HTR1F: variants seen among roughly 807,000 people sequenced by gnomAD.
HTR1F encodes 5-hydroxytryptamine (serotonin) receptor 1F, G protein-coupled.
A neutral mutation model predicts 24.0 loss-of-function variants in HTR1F; 17 were observed. The ratio of observed to expected loss-of-function variants is 0.71; its 90% confidence interval spans 0.48 to 1.06. The LOEUF (loss-of-function observed/expected upper bound fraction) is 1.06. Among genes scored for constraint, HTR1F ranks in the 50% least tolerant of loss-of-function variants. The pLI is 0.00. For synonymous variants in HTR1F, 186 were observed against 156.8 expected (o/e 1.19, Z -1.39); for missense variants, 391 against 427.8 (o/e 0.91, Z 0.76).
chr3:87,870,455 C>T (rs145000426), intron 2 of HTR1F, among the ~76,000 whole-genome samples: 103 of 152,172 alleles, frequency 6.8e-4, no homozygotes, highest in Non-Finnish European at 1.2e-3. Flanking sequence ...AAGCCAAGAA[C>T]AACTGAAATG....
In HTR1F at chr3:87,991,042, T is replaced by C; in HGVS notation, c.293T>C (p.Ile98Thr). Reference sequence around the variant, plus strand: ...ATTATGGGGCAAGTGGTCTGTGACATTTGGCTGAGTGTTGACATTACCTGC... The same window carrying C: ...ATTATGGGGCAAGTGGTCTGTGACACTTGGCTGAGTGTTGACATTACCTGC... ...SWIMGQVVCD[I>T]WLSVDITCCT... is the part of the protein sequence containing the mutation. Residue 98 changes from isoleucine (I) to threonine (T), a missense_variant, in exon 3 of 3, where the codon ATT becomes ACT. Coordinates refer to ENST00000319595, the MANE Select transcript of HTR1F (RefSeq NM_001322209.2). The C allele has an allele frequency of 6.2e-7, 1 of 1,614,050 alleles. No individual in the cohort carries two copies. The highest frequency in any genetic ancestry group is 8.5e-7 in the Non-Finnish European group (1 of 1,180,018).
At position 87,835,876 on chromosome 3, in the gene HTR1F, T is replaced by C. The variant is rs1266365900; in HGVS notation, c.-43+13752T>C. On this transcript the variant is annotated intron_variant, in intron 2 of 2. Transcript: ENST00000319595. ...CTGTACCCTCTGGGTCTGCACATTA[T>C]AAAGCAAATGAGGAACTTTTGTTGG... Among the ~76,000 whole-genome samples, 5 of 152,160 alleles carry C rather than the reference T, an allele frequency of 3.3e-5. No homozygotes were observed. In the East Asian group the frequency reaches 5.8e-4, roughly 18 times the overall value.
intron 2 of HTR1F, among the ~76,000 whole-genome samples, chr3:87,895,906 T>A (rs1452605665): frequency 6.6e-6 from 1 of 152,132 alleles, no homozygotes; most frequent in Non-Finnish European, 1.5e-5. Context: ...AGAGAAACAC[T>A]GGCAGGTGGT....
chr3:87,797,137 A>G (rs1703918263), intron 1 of HTR1F, among the ~76,000 whole-genome samples: 1 of 152,186 alleles, frequency 6.6e-6, no homozygotes, highest in African/African-American at 2.4e-5. Flanking sequence ...GTTCTTTGTT[A>G]TTAGTTATTG....
At chr3:87,931,118 T>C (rs1229439649) in intron 2 of HTR1F, among the ~76,000 whole-genome samples, 1 of 151,502 alleles carries the variant, frequency 6.6e-6, no homozygotes, top group Non-Finnish European at 1.5e-5. Flanking sequence ...TACATATGTA[T>C]ACATGTGCCA....
chr3:87,827,101 A>G (rs1704479734), intron 2 of HTR1F, among the ~76,000 whole-genome samples: 1 of 149,896 alleles, frequency 6.7e-6, no homozygotes, highest in Admixed American at 6.6e-5. Context: ...TTGAGCCACC[A>G]CTATCATTAT....
At chr3:87,875,774 A>C (rs572551467) in intron 2 of HTR1F, among the ~76,000 whole-genome samples, 10 of 151,784 alleles carry the variant, frequency 6.6e-5, no homozygotes, top group Non-Finnish European at 1.5e-4. Flanking sequence ...AATACAAAAA[A>C]TTAGCTGGGC....
intron 2 of HTR1F, among the ~76,000 whole-genome samples, chr3:87,842,056 G>T (rs116408901): frequency 6.6e-6 from 1 of 151,656 alleles, no homozygotes; most frequent in African/African-American, 2.4e-5. Context: ...GATTGGAAAA[G>T]AATTTCTTCA....
chr3:87,990,695 T>C lies in HTR1F; in HGVS notation c.-42-13T>C, dbSNP rs1254311473. 9 of 1,367,614 alleles carry C rather than the reference T, an allele frequency of 6.6e-6. No homozygotes were observed. The highest frequency in any genetic ancestry group is 9.1e-6 in the Non-Finnish European group (9 of 983,958). 84.7% of individuals were successfully genotyped at this position (1,367,614 alleles called of 1,614,324 possible). On this transcript the variant is annotated splice_polypyrimidine_tract_variant and intron_variant, in intron 2 of 2. Transcript: ENST00000319595. ...GCCTTCTCTGAACTGTTTTTTCTCT[T>C]CCCTTGTTACAGGTATCCATTTTTC...
intron 2 of HTR1F, among the ~76,000 whole-genome samples, chr3:87,846,106 T>A (rs1222202749): frequency 3.3e-5 from 5 of 151,458 alleles, no homozygotes; most frequent in African/African-American, 1.2e-4. Flanking sequence ...AGTAAACAGA[T>A]AATTAAAAAA....
intron 2 of HTR1F, among the ~76,000 whole-genome samples, chr3:87,975,023 A>G (rs539542259): frequency 2.6e-5 from 4 of 152,272 alleles, no homozygotes; most frequent in Admixed American, 6.5e-5. Context: ...AACATACTCT[A>G]TAATATTTTA....
intron 2 of HTR1F, among the ~76,000 whole-genome samples, chr3:87,961,336 C>A (rs1349627585): frequency 2.0e-5 from 3 of 151,954 alleles, no homozygotes; most frequent in Non-Finnish European, 2.9e-5. Context: ...GACCCCATTC[C>A]GAGCCAACTC....
At chr3:87,980,726 G>C (rs149381334) in intron 2 of HTR1F, among the ~76,000 whole-genome samples, 1 of 152,032 alleles carries the variant, frequency 6.6e-6, no homozygotes, top group Non-Finnish European at 1.5e-5. Context: ...GTCCCCCCTC[G>C]GCCTCTCTCC....
chr3:87,814,683 G>T (rs1277258537), intron 1 of HTR1F, among the ~76,000 whole-genome samples: 1 of 152,046 alleles, frequency 6.6e-6, no homozygotes, highest in Non-Finnish European at 1.5e-5. Flanking sequence ...AGACAATAAA[G>T]ATAATAAACA....
At chr3:87,951,773 T>C (rs1163596116) in intron 2 of HTR1F, among the ~76,000 whole-genome samples, 3 of 152,046 alleles carry the variant, frequency 2.0e-5, no homozygotes, top group Non-Finnish European at 4.4e-5. Flanking sequence ...ATATCCATCA[T>C]TTTAGTATCA....
At chr3:87,948,082 G>T (rs1704751092) in intron 2 of HTR1F, among the ~76,000 whole-genome samples, 1 of 152,040 alleles carries the variant, frequency 6.6e-6, no homozygotes, top group South Asian at 2.1e-4. Context: ...TCTGAAAAAT[G>T]TTATAAAACA....
intron 2 of HTR1F, among the ~76,000 whole-genome samples, chr3:87,886,260 T>C (rs1273135294): frequency 4.2e-4 from 64 of 152,202 alleles, no homozygotes; most frequent in Admixed American, 4.0e-3. Context: ...TCTCAATAGA[T>C]GCAGAAAAGG....
intron 2 of HTR1F, among the ~76,000 whole-genome samples, chr3:87,901,411 G>A (rs560834601): frequency 4.6e-5 from 7 of 152,208 alleles, no homozygotes; most frequent in African/African-American, 1.7e-4. Context: ...CCATCTGCAA[G>A]CCAAGGAGAG....
chr3:87,917,290 C>T (rs1273685148), intron 2 of HTR1F, among the ~76,000 whole-genome samples: 1 of 151,264 alleles, frequency 6.6e-6, no homozygotes, highest in Admixed American at 6.6e-5. Context: ...TAAGGTCACA[C>T]CTCAAGAAAA....
Sources: allele counts gnomAD v4.1 joint callset (sites outside exome capture counted in the v4.1 genomes callset), GRCh38; gene constraint gnomAD v4.1.1; transcripts MANE v1.5; gene names NCBI Gene and HGNC (gene_info 2026-07-23, HGNC 2026-07-21).